Variants in DEPDC1B observed in about 807,000 individuals in gnomAD.
The protein encoded by DEPDC1B is DEP domain-containing protein 1B.
A neutral mutation model predicts 66.5 loss-of-function variants in DEPDC1B; 51 were observed. The observed-to-expected ratio is 0.77, with a 90% confidence interval of 0.61 to 0.97. The LOEUF (loss-of-function observed/expected upper bound fraction) is 0.97. DEPDC1B is among the 50% of genes least tolerant of loss of function. DEPDC1B has a pLI of 0.00. For missense variants in DEPDC1B, 552 were observed against 637.1 expected (o/e 0.87, Z 1.44); for synonymous variants, 226 against 223.6 (o/e 1.01, Z -0.10).
chr5:60,685,515 G>A (rs1754393197), intron 2 of DEPDC1B, among the ~76,000 whole-genome samples: 2 of 152,070 alleles, frequency 1.3e-5, no homozygotes, highest in Admixed American at 1.3e-4. Context: ...ATTTTTTAAA[G>A]GGGGATACAT....
At chr5:60,603,116 G>C (rs1405999534) in intron 9 of DEPDC1B, among the ~76,000 whole-genome samples, 1 of 152,154 alleles carries the variant, frequency 6.6e-6, no homozygotes, top group African/African-American at 2.4e-5. Context: ...ATTTCCATCA[G>C]TAGGTGTATG....
chr5:60,674,871 C>T (rs1187825582), intron 2 of DEPDC1B, among the ~76,000 whole-genome samples: 1 of 152,036 alleles, frequency 6.6e-6, no homozygotes, highest in African/African-American at 2.4e-5. Context: ...GCGGATAAGA[C>T]AAAGGAGGAA....
At position 60,616,992 on chromosome 5, in the gene DEPDC1B, T is replaced by A. The variant is rs572375721; in HGVS notation, c.899-11136A>T. Among the ~76,000 whole-genome samples, 421 of 152,096 alleles carry A rather than the reference T, an allele frequency of 2.8e-3. 5 individuals are homozygous for A. The highest frequency in any genetic ancestry group is 2.8e-3 in the Non-Finnish European group (190 of 67,990). ...AGTGGGGACCAATATTCAACATTCC[T>A]GAAGGAAAGAATTTTCAACCCAGAA... On this transcript the variant is annotated intron_variant, in intron 7 of 10. Transcript: ENST00000265036.
intron 2 of DEPDC1B, among the ~76,000 whole-genome samples, chr5:60,668,036 TTTATATATATATAAAATGGATA>T (rs1753919761): frequency 9.4e-6 from 1 of 106,082 alleles, no homozygotes; most frequent in African/African-American, 4.4e-5. Context: ...AAATGGATAT[TTTATATATATATAAAATGGATA>T]TTTTATATAT....
In DEPDC1B at chr5:60,599,105, G is replaced by A. The variant is rs1410449603; in HGVS notation, c.1398C>T (p.Ser466=). Residue 466 remains serine (S), a synonymous_variant, in exon 10 of 11, where the codon TCC becomes TCT. Coordinates refer to ENST00000265036, the MANE Select transcript of DEPDC1B (RefSeq NM_018369.3). ...LEEVITDAKL[S]NKEKKKKLKQ... ...TCAGTTTCTTCTTTTTCTCTTTGTT[G>A]GAGAGTTTGGCATCTGTTATGACTT... 1.2e-6 allele frequency: 2 copies of A among 1,602,378 alleles called. No homozygotes were observed. The highest frequency in any genetic ancestry group is 1.7e-6 in the Non-Finnish European group (2 of 1,176,080).
chr5:60,671,913 T>TA (rs1265495788), intron 2 of DEPDC1B, among the ~76,000 whole-genome samples: 1 of 152,210 alleles, frequency 6.6e-6, no homozygotes, highest in African/African-American at 2.4e-5. Context: ...TCAAGAAACT[T>TA]AGAGTCTAAC....
At chr5:60,600,010 A>G (rs1752172611) in intron 9 of DEPDC1B, among the ~76,000 whole-genome samples, 1 of 152,128 alleles carries the variant, frequency 6.6e-6, no homozygotes, top group Admixed American at 6.5e-5. Context: ...CCCTCTTTTA[A>G]CAAGATCTGA....
chr5:60,614,789 G>A (rs1584029493), intron 7 of DEPDC1B, among the ~76,000 whole-genome samples: 1 of 152,174 alleles, frequency 6.6e-6, no homozygotes, highest in East Asian at 1.9e-4. Flanking sequence ...TCAGGAGTTC[G>A]AGACCAGCCT....
intron 7 of DEPDC1B, among the ~76,000 whole-genome samples, chr5:60,636,193 T>C (rs1209207730): frequency 2.0e-5 from 3 of 152,206 alleles, no homozygotes; most frequent in Non-Finnish European, 4.4e-5. Flanking sequence ...GAAGATCAAC[T>C]ACAATGGAGT....
rs1042088505 is a variant in DEPDC1B, at chr5:60,675,649, G to A, written c.314+11313C>T. Among the ~76,000 whole-genome samples, 6 of 152,050 alleles carry A rather than the reference G, an allele frequency of 3.9e-5. No individual in the cohort carries two copies. In the South Asian group the frequency reaches 8.3e-4, roughly 21 times the overall value. ...TAATCAGACTTCAAACAAAGCTTAC[G>A]GACTACATACAGAGCAGTTACAGGG... is the stretch of plus-strand genomic sequence containing the variant. On this transcript the variant is annotated intron_variant, in intron 2 of 10. Coordinates refer to ENST00000265036, the MANE Select transcript of DEPDC1B (RefSeq NM_018369.3).
intron 1 of DEPDC1B, among the ~76,000 whole-genome samples, chr5:60,696,781 G>C (rs1001050505): frequency 2.6e-5 from 4 of 152,094 alleles, no homozygotes; most frequent in African/African-American, 9.7e-5. Context: ...TTCTTAACAT[G>C]ATGAGGCAAA....
intron 7 of DEPDC1B, among the ~76,000 whole-genome samples, chr5:60,615,829 T>A (rs1018550534): frequency 6.6e-6 from 1 of 152,196 alleles, no homozygotes; most frequent in African/African-American, 2.4e-5. Flanking sequence ...GATCTGAGAA[T>A]GGACAGACTG....
intron 9 of DEPDC1B, among the ~76,000 whole-genome samples, chr5:60,602,895 T>C (rs1752231526): frequency 6.6e-6 from 1 of 152,216 alleles, no homozygotes; most frequent in African/African-American, 2.4e-5. Flanking sequence ...AGTGTTCTTC[T>C]ACTGTACTAT....
intron 6 of DEPDC1B, among the ~76,000 whole-genome samples, chr5:60,640,652 A>G (rs1454072094): frequency 6.6e-6 from 1 of 152,236 alleles, no homozygotes; most frequent in African/African-American, 2.4e-5. Flanking sequence ...GCTGGCCAAC[A>G]ATGAATGTAT....
chr5:60,634,122 A>C (rs1165273621), intron 7 of DEPDC1B, among the ~76,000 whole-genome samples: 1 of 152,202 alleles, frequency 6.6e-6, no homozygotes, highest in East Asian at 1.9e-4. Flanking sequence ...ACTTTTGCAC[A>C]TCTGCAATCT....
intron 7 of DEPDC1B, among the ~76,000 whole-genome samples, chr5:60,621,024 C>A (rs1261145530): frequency 6.6e-6 from 1 of 151,806 alleles, no homozygotes; most frequent in Non-Finnish European, 1.5e-5. Flanking sequence ...TCATTCTCAG[C>A]AAACTATCTC....
chr5:60,622,345 A>C (rs2111790112), intron 7 of DEPDC1B, among the ~76,000 whole-genome samples: 1 of 152,252 alleles, frequency 6.6e-6, no homozygotes, highest in Admixed American at 6.5e-5. Flanking sequence ...ATCACTCGGC[A>C]TATTTTTGAG....
chr5:60,641,371 C>T (rs1246243881), intron 6 of DEPDC1B, among the ~76,000 whole-genome samples: 16 of 140,370 alleles, frequency 1.1e-4, no homozygotes, highest in Non-Finnish European at 1.7e-4. Context: ...TTTTTTGAGA[C>T]GGAGTCTTGC....
chr5:60,693,946 C>T (rs1172163031), intron 1 of DEPDC1B, among the ~76,000 whole-genome samples: 1 of 152,008 alleles, frequency 6.6e-6, no homozygotes, highest in Admixed American at 6.6e-5. Flanking sequence ...TGCATAATAC[C>T]TTATGCATTA....
Sources: allele counts gnomAD v4.1 joint callset (sites outside exome capture counted in the v4.1 genomes callset), GRCh38; gene constraint gnomAD v4.1.1; transcripts MANE v1.5; gene names NCBI Gene and HGNC (gene_info 2026-07-23, HGNC 2026-07-21).